BCAR3: variants seen among roughly 807,000 people sequenced by gnomAD.
The protein encoded by BCAR3 is BCAR3 adaptor protein, NSP family member.
A neutral mutation model predicts 80.1 loss-of-function variants in BCAR3; 37 were observed. The observed-to-expected ratio is 0.46, with a 90% CI of 0.36 to 0.61. The LOEUF (loss-of-function observed/expected upper bound fraction) is 0.61, where lower values mean the gene tolerates loss of function less well. Ranked by LOEUF, BCAR3 falls within the 20% of genes least tolerant of loss-of-function variation. The probability of loss-of-function intolerance (pLI) is 0.00; values close to 1 mark genes in which losing one functional copy is unlikely to be tolerated. For missense variants in BCAR3, 978 were observed against 1,068.2 expected (o/e 0.92, Z 1.18); for synonymous variants, 389 against 418.9 (o/e 0.93, Z 0.87).
At chr1:93,827,731 G>A (rs1318712531) in intron 2 of BCAR3, among the ~76,000 whole-genome samples, 2 of 152,026 alleles carry the variant, frequency 1.3e-5, no homozygotes, top group Admixed American at 1.3e-4. Flanking sequence ...GGAAGAGAAG[G>A]GAGGAGGGAA....
chr1:93,706,615 T>C (rs1444647495), intron 2 of BCAR3, among the ~76,000 whole-genome samples: 1 of 152,166 alleles, frequency 6.6e-6, no homozygotes, highest in Non-Finnish European at 1.5e-5. Flanking sequence ...GTGACTCAGT[T>C]TCCTCATCTG....
chr1:93,587,183 CTTATA>C (rs1293318508), intron 5 of BCAR3, among the ~76,000 whole-genome samples: 3 of 152,026 alleles, frequency 2.0e-5, no homozygotes, highest in Non-Finnish European at 2.9e-5. Context: ...GTTTGAGCTC[CTTATA>C]TTAATTTTCA....
intron 2 of BCAR3, among the ~76,000 whole-genome samples, chr1:93,808,264 CCA>C: frequency 6.6e-6 from 1 of 151,890 alleles, no homozygotes; most frequent in East Asian, 1.9e-4. Context: ...TCAAAAAGAC[CCA>C]CACATAGCAC....
intron 11 of BCAR3, among the ~76,000 whole-genome samples, chr1:93,565,177 G>A (rs776966128): frequency 2.0e-5 from 3 of 151,546 alleles, no homozygotes; most frequent in Non-Finnish European, 4.4e-5. Context: ...AAGGAGAATC[G>A]CTTGATACTC....
At chr1:93,597,327 T>C (rs1369700056) in intron 3 of BCAR3, among the ~76,000 whole-genome samples, 1 of 152,222 alleles carries the variant, frequency 6.6e-6, no homozygotes, top group African/African-American at 2.4e-5. Flanking sequence ...TCCAACCAAA[T>C]TGCAGGATAG....
intron 2 of BCAR3, among the ~76,000 whole-genome samples, chr1:93,833,637 T>A (rs1161022932): frequency 6.6e-6 from 1 of 152,204 alleles, no homozygotes; most frequent in Admixed American, 6.5e-5. Context: ...ATTTCTCCTA[T>A]TCACTTTTGC....
chr1:93,658,280 A>C (rs1019135696), intron 2 of BCAR3, among the ~76,000 whole-genome samples: 2 of 152,140 alleles, frequency 1.3e-5, no homozygotes, highest in African/African-American at 4.8e-5. Flanking sequence ...GGTCTTAGCC[A>C]GTACAGTTAA....
At position 93,752,447 on chromosome 1, in the gene BCAR3, G is replaced by A. The variant is rs370196067; in HGVS notation, c.-62-46305C>T. On this transcript the variant is annotated intron_variant, in intron 2 of 13. Coordinates refer to the BCAR3 transcript ENST00000370244. ...AAAACAAATTCCTGCCCCCACCCAC[G>A]GCTGCAGACATTTGTCCTCAATCTT... Among the ~76,000 whole-genome samples, 37 of 152,286 alleles carry A rather than the reference G, an allele frequency of 2.4e-4. 3 individuals carry two copies. The highest frequency in any genetic ancestry group is 1.2e-3 in the Admixed American group (19 of 15,300).
At chr1:93,725,402 T>A (rs1650545846) in intron 2 of BCAR3, among the ~76,000 whole-genome samples, 1 of 152,260 alleles carries the variant, frequency 6.6e-6, no homozygotes. Flanking sequence ...AGGCCGAGCA[T>A]CTTTCCACAT....
intron 2 of BCAR3, among the ~76,000 whole-genome samples, chr1:93,810,533 CA>C (rs935077393): frequency 6.6e-6 from 1 of 152,154 alleles, no homozygotes; most frequent in African/African-American, 2.4e-5. Flanking sequence ...TTCATGGCTT[CA>C]AAAATGTTCA....
Position 93,674,785 on chromosome 1 carries a change from C to G in BCAR3, c.146G>C (p.Gly49Ala). Residue 49 changes from glycine (G) to alanine (A), a missense_variant, in exon 2 of 12, where the codon GGC becomes GCC. Transcript: ENST00000260502. The part of the protein sequence containing the change: ...PDAYQDVSIH[G>A]TLPRKKKGPP... ...ACCTTTTTTCTTCCGTGGAAGGGTG[C>G]CATGTATAGACACATCTTGATAGGC... 6.2e-7 allele frequency: 1 copy of G among 1,612,104 alleles called. No individual in the cohort carries two copies. The highest frequency in any genetic ancestry group is 8.5e-7 in the Non-Finnish European group (1 of 1,179,498).
intron 2 of BCAR3, among the ~76,000 whole-genome samples, chr1:93,656,330 T>C (rs1294500309): frequency 2.6e-5 from 4 of 152,200 alleles, no homozygotes; most frequent in Non-Finnish European, 5.9e-5. Flanking sequence ...GTCTCTTTCA[T>C]ACTTTCCATT....
chr1:93,817,560 G>C (rs755132469), intron 2 of BCAR3, among the ~76,000 whole-genome samples: 1 of 152,212 alleles, frequency 6.6e-6, no homozygotes, highest in Non-Finnish European at 1.5e-5. Flanking sequence ...CAGAGGTAGA[G>C]GTGGAAGTTA....
At chr1:93,753,233 G>C (rs1023495024) in intron 2 of BCAR3, 4 of 152,198 alleles carry the variant, frequency 2.6e-5, no homozygotes, top group Non-Finnish European at 5.9e-5. Flanking sequence ...TTCAAATCCA[G>C]ATCATGTGTT....
chr1:93,610,876 A>G (rs1328528276), intron 3 of BCAR3, among the ~76,000 whole-genome samples: 5 of 151,958 alleles, frequency 3.3e-5, no homozygotes, highest in African/African-American at 9.7e-5. Context: ...GGTTGTAGTG[A>G]GCCGAGATCA....
chr1:93,737,983 C>A (rs1272258393), intron 2 of BCAR3, among the ~76,000 whole-genome samples: 1 of 152,108 alleles, frequency 6.6e-6, no homozygotes, highest in Non-Finnish European at 1.5e-5. Context: ...GCAAGCACAA[C>A]CATGCCAGCC....
chr1:93,683,956 T>C (rs189944046), upstream of BCAR3, among the ~76,000 whole-genome samples: 22 of 152,308 alleles, frequency 1.4e-4, 1 homozygote, highest in East Asian at 3.9e-3. Context: ...TGTACTGTAT[T>C]GGGTGTACCA....
intron 2 of BCAR3, among the ~76,000 whole-genome samples, chr1:93,729,047 C>T (rs970648749): frequency 1.3e-5 from 2 of 152,152 alleles, no homozygotes; most frequent in Non-Finnish European, 2.9e-5. Context: ...GACACTAACA[C>T]ATGGTATATC....
At position 93,571,698 on chromosome 1, in the gene BCAR3, G is replaced by A. The variant is rs1174152760; in HGVS notation, c.1946C>T (p.Ala649Val). ...TGGCATTTCCAGGGCTTTCATGAGA[G>A]CTGAGAAGGAATAGAGGTCCCCCAT... is the stretch of plus-strand genomic sequence containing the variant. ...DSMGDLYSFSALMKALEMPQI... is the reference protein window; with the variant it reads ...DSMGDLYSFSVLMKALEMPQI... Residue 649 changes from alanine (A) to valine (V), a missense_variant, in exon 9 of 12, where the codon GCT becomes GTT. Transcript: ENST00000260502. The A allele has an allele frequency of 8.7e-6, 14 of 1,614,046 alleles. 1 individual carries two copies. Among genetic ancestry groups the A allele is most frequent in the Middle Eastern group, 3.3e-4 (2 of 6,084 alleles).
Sources: gnomAD v4.1 joint callset for allele counts (sites outside exome capture counted in the v4.1 genomes callset) on GRCh38, gnomAD v4.1.1 for gene constraint, MANE v1.5 for transcripts, NCBI Gene and HGNC (gene_info 2026-07-23, HGNC 2026-07-21) for gene names.